DLGAP1: variants seen among roughly 807,000 people sequenced by gnomAD.
DLGAP1 encodes the protein DLG associated protein 1, also known as disks large-associated protein 1.
In DLGAP1, 11 loss-of-function variants were observed where a neutral mutation model predicts 90.8. That is an observed-to-expected ratio of 0.12 (90% CI 0.08 to 0.20). The LOEUF (loss-of-function observed/expected upper bound fraction) is 0.20, where lower values mean the gene tolerates loss of function less well. DLGAP1 is among the 10% of genes least tolerant of loss of function. The pLI is 1.00. For missense variants in DLGAP1, 1,050 were observed against 1,333.8 expected, an observed-to-expected ratio of 0.79 and a Z score of 3.31; for synonymous variants, 558 against 540.7, an observed-to-expected ratio of 1.03 and a Z score of -0.44.
intron 7 of DLGAP1, among the ~76,000 whole-genome samples, chr18:3,666,605 T>C (rs1352630528): frequency 6.6e-6 from 1 of 152,214 alleles, no homozygotes; most frequent in African/African-American, 2.4e-5. Flanking sequence ...ATGGCAAATC[T>C]AGACTTGGTT....
chr18:4,406,519 G>C (rs555381099), intron 1 of DLGAP1, among the ~76,000 whole-genome samples: 1 of 152,326 alleles, frequency 6.6e-6, no homozygotes, highest in African/African-American at 2.4e-5. Flanking sequence ...GTATTATCAT[G>C]CTTCATAACT....
intron 7 of DLGAP1, among the ~76,000 whole-genome samples, chr18:3,635,217 G>A (rs1480940622): frequency 6.0e-5 from 9 of 150,458 alleles, no homozygotes; most frequent in Admixed American, 2.0e-4. Flanking sequence ...TGCAAGCTCC[G>A]CCTCCCGGGT....
At chr18:3,930,949 T>G (rs776253276) in intron 3 of DLGAP1, among the ~76,000 whole-genome samples, 1 of 152,232 alleles carries the variant, frequency 6.6e-6, no homozygotes, top group African/African-American at 2.4e-5. Flanking sequence ...ATGGCTCCTA[T>G]GTTGGCATCT....
chr18:3,637,689 A>G (rs528106020), intron 7 of DLGAP1, among the ~76,000 whole-genome samples: 3 of 152,036 alleles, frequency 2.0e-5, no homozygotes, highest in East Asian at 1.9e-4. Context: ...CGAGGCTTCA[A>G]TGAGCCATGA....
At chr18:3,855,621 T>G (rs887747570) in intron 4 of DLGAP1, among the ~76,000 whole-genome samples, 2 of 151,170 alleles carry the variant, frequency 1.3e-5, no homozygotes, top group South Asian at 4.2e-4. Flanking sequence ...ATTAATTAAT[T>G]TATTTATTTT....
intron 2 of DLGAP1, among the ~76,000 whole-genome samples, chr18:4,048,024 C>T (rs1459498023): frequency 6.6e-6 from 1 of 152,064 alleles, no homozygotes; most frequent in Non-Finnish European, 1.5e-5. Context: ...TCTCAAACTC[C>T]CGGGCTCAAG....
At chr18:4,224,295 T>C (rs62086493) in intron 1 of DLGAP1, among the ~76,000 whole-genome samples, 7,053 of 152,318 alleles carry the variant, frequency 0.046, 209 homozygotes, top group Non-Finnish European at 0.071. Flanking sequence ...GTCATGGCTA[T>C]GAGGAGAGAC....
At position 4,453,306 on chromosome 18, in the gene DLGAP1, G is replaced by A. The variant is rs375994550; in HGVS notation, c.-267+1700C>T. On this transcript the variant is annotated intron_variant, in intron 1 of 12. Coordinates refer to ENST00000315677, the MANE Select transcript of DLGAP1 (RefSeq NM_004746.4). Reference sequence around the variant, plus strand: ...TTTTTAAAATCATACATTTTGCATAGACATATTCATTATTTCTTTATAGGC... The same window carrying A: ...TTTTTAAAATCATACATTTTGCATAAACATATTCATTATTTCTTTATAGGC... 3.1e-4 allele frequency among the ~76,000 whole-genome samples: 47 copies of A among 152,248 alleles called. No individual in the cohort carries two copies. In the East Asian group the frequency reaches 6.4e-3, roughly 21 times the overall value.
rs377009806 is a variant in DLGAP1, at chr18:4,342,652, T to G, written c.-267+112354A>C. 4.6e-5 allele frequency among the ~76,000 whole-genome samples: 7 copies of G among 152,182 alleles called. No individual in the cohort carries two copies. In the East Asian group the frequency reaches 7.7e-4, roughly 17 times the overall value. ...TAGCTCTATTGAAAATGTATTTGTT[T>G]TGGTTTTGGTTAATACTACATTTGC... is the stretch of plus-strand genomic sequence containing the variant. On this transcript the variant is annotated intron_variant, in intron 1 of 12. Coordinates refer to ENST00000315677, the MANE Select transcript of DLGAP1 (RefSeq NM_004746.4). This position sits in a 1 kb window ranked among gnomAD's most constrained non-coding sequence, Gnocchi z 5.8.
intron 3 of DLGAP1, chr18:3,986,632 A>G (rs1255168287): frequency 6.6e-6 from 1 of 152,174 alleles, no homozygotes; most frequent in African/African-American, 2.4e-5. Flanking sequence ...GTTTTGGAAG[A>G]GTCCAGAGGA....
chr18:4,198,744 T>C (rs758254917), intron 1 of DLGAP1, among the ~76,000 whole-genome samples: 38 of 152,226 alleles, frequency 2.5e-4, no homozygotes, highest in Non-Finnish European at 5.0e-4. Flanking sequence ...ACAATTCATC[T>C]TTCTCCTCAT....
At chr18:4,333,103 T>G (rs1045562081) in intron 1 of DLGAP1, among the ~76,000 whole-genome samples, 17 of 151,978 alleles carry the variant, frequency 1.1e-4, no homozygotes, top group African/African-American at 4.1e-4. Flanking sequence ...GACTCCAAAA[T>G]TCAATGGCTA....
chr18:3,531,675 G>T (rs569700111), intron 10 of DLGAP1, among the ~76,000 whole-genome samples: 1 of 151,814 alleles, frequency 6.6e-6, no homozygotes, highest in African/African-American at 2.4e-5. Flanking sequence ...GAGAGATGGG[G>T]TTTTACCATG....
At chr18:4,212,974 A>C (rs987786860) in intron 1 of DLGAP1, among the ~76,000 whole-genome samples, 4 of 152,200 alleles carry the variant, frequency 2.6e-5, no homozygotes, top group Admixed American at 6.5e-5. Context: ...GTGGCAAATA[A>C]ATTATATTTA....
At chr18:3,941,497 G>A (rs977861254) in intron 3 of DLGAP1, among the ~76,000 whole-genome samples, 172 of 152,270 alleles carry the variant, frequency 1.1e-3, no homozygotes, top group African/African-American at 3.8e-3. Context: ...TAATAGAATA[G>A]GCCAGAGGTT....
chr18:4,340,228 G>C (rs986799167), intron 1 of DLGAP1, among the ~76,000 whole-genome samples: 15 of 152,260 alleles, frequency 9.9e-5, no homozygotes, highest in Admixed American at 3.3e-4. Context: ...GTGGTATCTT[G>C]ATAGTTGGTC....
At chr18:3,853,482 C>CACTGTAT in intron 4 of DLGAP1, among the ~76,000 whole-genome samples, 1 of 151,690 alleles carries the variant, frequency 6.6e-6, no homozygotes, top group South Asian at 2.1e-4. Flanking sequence ...CAGTATTCAG[C>CACTGTAT]ACAGTAACAG....
intron 2 of DLGAP1, among the ~76,000 whole-genome samples, chr18:4,042,554 A>G (rs1272815915): frequency 6.6e-6 from 1 of 152,152 alleles, no homozygotes; most frequent in Admixed American, 6.5e-5. Context: ...CCTGGCCAAT[A>G]TGGTGAAACC....
At chr18:3,724,427 C>G (rs1483133479) in intron 7 of DLGAP1, among the ~76,000 whole-genome samples, 3 of 152,120 alleles carry the variant, frequency 2.0e-5, no homozygotes, top group Non-Finnish European at 4.4e-5. Context: ...TTTGGAATTT[C>G]AAAGTGAAGA....
Sources: allele counts gnomAD v4.1 joint callset (sites outside exome capture counted in the v4.1 genomes callset), GRCh38; gene constraint gnomAD v4.1.1; non-coding constraint Gnocchi (gnomAD v3.1); transcripts MANE v1.5; gene names NCBI Gene and HGNC (gene_info 2026-07-23, HGNC 2026-07-21).